Variants in VRK2 observed in about 807,000 individuals in gnomAD.
VRK2 encodes serine/threonine-protein kinase VRK2.
Under a neutral mutation model 57.6 loss-of-function variants are expected in VRK2, and 60 were observed. The ratio of observed to expected loss-of-function variants is 1.04; its 90% CI spans 0.85 to 1.29. VRK2 has a LOEUF of 1.29. VRK2 is among the 50% of genes most tolerant of loss of function. The pLI is 0.00. For missense variants in VRK2, 705 were observed against 588.1 expected, an observed-to-expected ratio of 1.20 and a Z score of -2.06; for synonymous variants, 231 against 199.2, an observed-to-expected ratio of 1.16 and a Z score of -1.35.
intron 3 of VRK2, among the ~76,000 whole-genome samples, chr2:58,038,160 AGGCCTGGTGGGAGGTGATTGGATCATGGG>A (rs1352499315): frequency 6.6e-6 from 1 of 151,978 alleles, no homozygotes; most frequent in Non-Finnish European, 1.5e-5. Flanking sequence ...GTTGAGGGAG[AGGCCTGGTGGGAGGTGATTGGATCATGGG>A]GGTGTTTTCC....
At position 58,156,250 on chromosome 2, in the gene VRK2, TAGC is replaced by T. The variant is rs1368257862; in HGVS notation, c.1183-3096_1183-3094del. On this transcript the variant is annotated intron_variant, in intron 12 of 12. Transcript: ENST00000340157. ...TCTGTTTTTTTTTCTGCTAAGAAGT[TAGC>T]AGTTATTCTTATTGGCCCATTTATA... 4.6e-5 allele frequency among the ~76,000 whole-genome samples: 7 copies of T among 152,320 alleles called. No homozygotes were observed. The South Asian group carries it at 1.2e-3, about 27-fold the overall frequency.
chr2:58,094,501 A>T (rs190605538), intron 7 of VRK2, among the ~76,000 whole-genome samples: 4 of 152,262 alleles, frequency 2.6e-5, no homozygotes, highest in African/African-American at 9.6e-5. Flanking sequence ...TGATTTTTGC[A>T]CATTGATTTT....
intron 1 of VRK2, among the ~76,000 whole-genome samples, chr2:58,012,839 A>C (rs1572778533): frequency 6.6e-6 from 1 of 152,362 alleles, no homozygotes; most frequent in Non-Finnish European, 1.5e-5. Context: ...CATTTTACGT[A>C]TTATATCTTA....
At chr2:58,038,758 T>A (rs574875299) in intron 3 of VRK2, among the ~76,000 whole-genome samples, 1 of 152,148 alleles carries the variant, frequency 6.6e-6, no homozygotes, top group Non-Finnish European at 1.5e-5. Context: ...TGAGACCCTA[T>A]GCACATAAAA....
intron 7 of VRK2, among the ~76,000 whole-genome samples, chr2:58,098,373 A>G (rs1673466553): frequency 6.6e-6 from 1 of 152,136 alleles, no homozygotes; most frequent in Admixed American, 6.5e-5. Context: ...AGTAGCATAC[A>G]GTAATGTCCT....
chr2:57,910,057 T>A (rs981131295), intron 1 of VRK2, among the ~76,000 whole-genome samples: 1 of 151,634 alleles, frequency 6.6e-6, no homozygotes, highest in African/African-American at 2.4e-5. Flanking sequence ...CACTTGTAAT[T>A]AGCCTGATAG....
chr2:57,932,232 T>C (rs190130905), intron 1 of VRK2, among the ~76,000 whole-genome samples: 1 of 152,258 alleles, frequency 6.6e-6, no homozygotes, highest in East Asian at 1.9e-4. Flanking sequence ...ACTAGTAGTG[T>C]TCCCTCCTCT....
At chr2:57,925,330 G>C (rs1253462973) in intron 1 of VRK2, among the ~76,000 whole-genome samples, 1 of 152,030 alleles carries the variant, frequency 6.6e-6, no homozygotes, top group Non-Finnish European at 1.5e-5. Context: ...CTGCCATTGG[G>C]TTGTAGGCTT....
At chr2:57,924,094 A>G (rs1438874592) in intron 1 of VRK2, among the ~76,000 whole-genome samples, 1 of 151,804 alleles carries the variant, frequency 6.6e-6, no homozygotes, top group Non-Finnish European at 1.5e-5. Context: ...GTCTGTTTGT[A>G]TGTCAGTACC....
At chr2:58,036,272 C>T (rs975496793) in intron 3 of VRK2, among the ~76,000 whole-genome samples, 7 of 151,766 alleles carry the variant, frequency 4.6e-5, no homozygotes, top group Non-Finnish European at 8.8e-5. Flanking sequence ...AATAATATTA[C>T]TTTGGGCTTT....
intron 1 of VRK2, among the ~76,000 whole-genome samples, chr2:57,974,427 C>T (rs1007198851): frequency 1.3e-5 from 2 of 151,606 alleles, no homozygotes; most frequent in African/African-American, 2.4e-5. Context: ...AAATTGTCTA[C>T]GTAGTAAGAT....
chr2:57,940,507 G>A (rs1276352389), intron 1 of VRK2, among the ~76,000 whole-genome samples: 1 of 152,036 alleles, frequency 6.6e-6, no homozygotes, highest in Non-Finnish European at 1.5e-5. Context: ...ATTTAATCTG[G>A]GCACTGCATG....
chr2:58,086,493 T>G (rs1448402490), intron 5 of VRK2, 67 bp downstream of exon 5: 4 of 1,337,726 alleles, frequency 3.0e-6, no homozygotes, highest in Non-Finnish European at 4.1e-6. Flanking sequence ...ATGAGTTAAC[T>G]ATTGCCATGT....
At chr2:58,058,694 T>C (rs777975666) in intron 2 of VRK2, among the ~76,000 whole-genome samples, 1 of 152,080 alleles carries the variant, frequency 6.6e-6, no homozygotes, top group South Asian at 2.1e-4. Flanking sequence ...ATTATCATAT[T>C]TATTATAAAG....
At chr2:58,134,764 C>T (rs191052786) in intron 9 of VRK2, among the ~76,000 whole-genome samples, 1 of 152,176 alleles carries the variant, frequency 6.6e-6, no homozygotes, top group East Asian at 1.9e-4. Flanking sequence ...AGATAGACTT[C>T]CTTGGGTCTT....
chr2:58,140,620 C>T (rs751447642), intron 11 of VRK2, among the ~76,000 whole-genome samples: 4 of 151,832 alleles, frequency 2.6e-5, no homozygotes, highest in Admixed American at 6.6e-5. Flanking sequence ...GTTCATGAGC[C>T]AAGAATGCGG....
intron 1 of VRK2, among the ~76,000 whole-genome samples, chr2:57,999,325 T>A (rs1019668248): frequency 2.0e-5 from 3 of 152,184 alleles, no homozygotes; most frequent in Admixed American, 6.5e-5. Flanking sequence ...TTTTGGTAGA[T>A]CCTCTAGGCT....
intron 1 of VRK2, among the ~76,000 whole-genome samples, chr2:57,975,134 A>G (rs1002806316): frequency 2.0e-5 from 3 of 152,052 alleles, no homozygotes; most frequent in Admixed American, 6.6e-5. Flanking sequence ...AACATTTTTA[A>G]AGTAAAATTT....
intron 1 of VRK2, among the ~76,000 whole-genome samples, chr2:57,961,527 T>C (rs978524246): frequency 6.6e-6 from 1 of 152,164 alleles, no homozygotes; most frequent in Admixed American, 6.5e-5. Flanking sequence ...CAAGACTAAC[T>C]GCATGCTACT....
Sources: gnomAD v4.1 joint callset for allele counts (sites outside exome capture counted in the v4.1 genomes callset) on GRCh38, gnomAD v4.1.1 for gene constraint, MANE v1.5 for transcripts, NCBI Gene and HGNC (gene_info 2026-07-23, HGNC 2026-07-21) for gene names.